PCSK6: variants seen among roughly 807,000 people sequenced by gnomAD.
PCSK6 encodes the protein proprotein convertase subtilisin/kexin type 6, also known as paired basic amino acid cleaving enzyme 4.
A neutral mutation model predicts 123.3 loss-of-function variants in PCSK6; 85 were observed. The ratio of observed to expected loss-of-function variants is 0.69; its 90% confidence interval spans 0.58 to 0.83. The LOEUF (loss-of-function observed/expected upper bound fraction) is 0.83. PCSK6 is among the 40% of genes least tolerant of loss of function. The probability of loss-of-function intolerance (pLI) is 0.00; values close to 1 mark genes in which losing one functional copy is unlikely to be tolerated. For synonymous variants in PCSK6, 508 were observed against 516.0 expected, an observed-to-expected ratio of 0.98 and a Z score of 0.21; for missense variants, 1,191 against 1,282.3, an observed-to-expected ratio of 0.93 and a Z score of 1.09.
chr15:101,431,216 T>C (rs897475029), intron 4 of PCSK6, 104 bp downstream of exon 4: 3 of 1,184,292 alleles, frequency 2.5e-6, no homozygotes, highest in Admixed American at 2.1e-5. Context: ...CCTAACTTAA[T>C]GGGGGCTGGG....
intron 1 of PCSK6, among the ~76,000 whole-genome samples, chr15:101,454,645 G>C (rs1293101240): frequency 1.3e-5 from 2 of 152,094 alleles, no homozygotes; most frequent in Non-Finnish European, 2.9e-5. Flanking sequence ...GTGTGTAAAG[G>C]GTACAGAGTT....
chr15:101,361,570 C>A (rs995565959), intron 13 of PCSK6, among the ~76,000 whole-genome samples: 1 of 152,066 alleles, frequency 6.6e-6, no homozygotes, highest in Non-Finnish European at 1.5e-5. Flanking sequence ...GAGGTAAGAC[C>A]AGGCATGTTA....
chr15:101,366,201 T>C lies in PCSK6; in HGVS notation c.1853A>G (p.Lys618Arg). 1 of 1,611,938 alleles carries C rather than the reference T, an allele frequency of 6.2e-7. No homozygotes were observed. Among genetic ancestry groups the C allele is most frequent in the Non-Finnish European group, 8.5e-7 (1 of 1,178,894 alleles). ...GATTCCCAAGAGCCACTGACCTTGCTTCTCCGGGTTGCGGACCTGGGATGG... is the reference window on the plus strand; with the variant it reads ...GATTCCCAAGAGCCACTGACCTTGCCTCTCCGGGTTGCGGACCTGGGATGG... ...DLPSQVRNPEKQGKLKEWSLI... is the reference protein window; with the variant it reads ...DLPSQVRNPERQGKLKEWSLI... The change falls in exon 13 of 22, where the codon AAG becomes AGG. Residue 618 changes from lysine to arginine, a missense_variant. By Grantham distance (26) the Lys-to-Arg change is conservative. Transcript: ENST00000611716.
At chr15:101,340,835 C>T (rs556374363) in intron 13 of PCSK6, among the ~76,000 whole-genome samples, 23 of 152,192 alleles carry the variant, frequency 1.5e-4, no homozygotes, top group Non-Finnish European at 3.1e-4. Flanking sequence ...TCCCCCACCA[C>T]CCTTTCATTT....
chr15:101,329,647 GC>G (rs2040333089), intron 15 of PCSK6, among the ~76,000 whole-genome samples: 1 of 152,212 alleles, frequency 6.6e-6, no homozygotes, highest in African/African-American at 2.4e-5. Context: ...CGGTGGAGCT[GC>G]CCTGGAACTC....
At chr15:101,480,421 C>T (rs1182707604) in intron 1 of PCSK6, among the ~76,000 whole-genome samples, 3 of 152,240 alleles carry the variant, frequency 2.0e-5, no homozygotes, top group African/African-American at 7.2e-5. Flanking sequence ...AGACTTTCTT[C>T]CTTTCCACGG....
intron 15 of PCSK6, 121 bp downstream of exon 15, chr15:101,331,530 G>T (rs1188395883): frequency 1.2e-6 from 1 of 832,354 alleles, no homozygotes; most frequent in Non-Finnish European, 2.0e-6. Context: ...CTTTGGAAAG[G>T]GGGTGCTCCT....
chr15:101,322,719 C>A, intron 17 of PCSK6, 112 bp from the exon 18 acceptor site: 3 of 687,524 alleles, frequency 4.4e-6, no homozygotes, highest in Non-Finnish European at 7.8e-6. Flanking sequence ...GGCTGTTCCC[C>A]GAGTCCACCT....
intron 1 of PCSK6, among the ~76,000 whole-genome samples, chr15:101,470,859 T>C (rs532921453): frequency 6.6e-6 from 1 of 152,340 alleles, no homozygotes; most frequent in African/African-American, 2.4e-5. Flanking sequence ...GCTGTGGTGC[T>C]GCCCTTCAAT....
chr15:101,434,894 C>T (rs1596329918), intron 2 of PCSK6, among the ~76,000 whole-genome samples: 2 of 152,168 alleles, frequency 1.3e-5, no homozygotes, highest in South Asian at 4.1e-4. Context: ...CCACCTCCTA[C>T]CCACCACAAA....
rs1178936194 is a variant in PCSK6 at position 101,398,772 on chromosome 15, A to G, written c.824-196T>C. On this transcript the variant is annotated intron_variant, in intron 6 of 21. Coordinates refer to ENST00000611716, the MANE Select transcript of PCSK6 (RefSeq NM_002570.5). This position sits in a 1 kb window ranked among gnomAD's most constrained non-coding sequence, Gnocchi z 4.6. ...GTGAAAGAACTCAGGCCAGGGCAAC[A>G]AAAGAAAGCAAGCTACGTCCCAAAG... 6.6e-6 allele frequency among the ~76,000 whole-genome samples: 1 copy of G among 152,214 alleles called. No homozygotes were observed. The highest frequency in any genetic ancestry group is 1.5e-5 in the Non-Finnish European group (1 of 68,040).
chr15:101,325,505 C>T lies in PCSK6; in HGVS notation c.2181-459G>A, dbSNP rs566223904. ...CATGGGCACCCGGCTTGACCTTGCA[C>T]GGCCGCACCCGTGCCTGAGCCCTCA... On this transcript the variant is annotated intron_variant, in intron 16 of 21. Coordinates refer to ENST00000611716, the MANE Select transcript of PCSK6 (RefSeq NM_002570.5). 1.1e-3 allele frequency among the ~76,000 whole-genome samples: 167 copies of T among 152,310 alleles called. 2 individuals are homozygous for T. Among genetic ancestry groups the T allele is most frequent in the African/African-American group, 4.0e-3 (165 of 41,572 alleles).
At chr15:101,446,343 GCTGA>G (rs1181371509) in intron 1 of PCSK6, among the ~76,000 whole-genome samples, 2 of 152,206 alleles carry the variant, frequency 1.3e-5, no homozygotes, top group East Asian at 1.9e-4. Flanking sequence ...CCTTTTTAAG[GCTGA>G]CTAATCTTCC....
chr15:101,489,273 G>GCGGGGC lies in PCSK6; in HGVS notation c.297+95_297+100dup, dbSNP rs1219891166. ...GGTCCCGGAGCCTTCCCACGCGCGC[G>GCGGGGC]CGGGGCCGGGGCCGGGCGGACAGGA... On this transcript the variant is annotated intron_variant, in intron 1 of 21. Transcript: ENST00000611716. 1.9e-5 allele frequency: 15 copies of GCGGGGC among 782,598 alleles called. No individual in the cohort carries two copies. The East Asian group carries it at 3.0e-4, about 16-fold the overall frequency. 48.5% of individuals were successfully genotyped at this position (782,598 alleles called of 1,614,324 possible). A position where few individuals can be genotyped will look rare whatever the true frequency, so the allele number is the denominator to read the frequency against.
chr15:101,433,976 A>G (rs1401931837), intron 2 of PCSK6, among the ~76,000 whole-genome samples: 6 of 152,044 alleles, frequency 3.9e-5, no homozygotes, highest in Non-Finnish European at 8.8e-5. Flanking sequence ...GCTCAAAACC[A>G]GTTTCACGTC....
At chr15:101,344,261 T>C (rs2040683350) in intron 13 of PCSK6, among the ~76,000 whole-genome samples, 1 of 152,230 alleles carries the variant, frequency 6.6e-6, no homozygotes, top group African/African-American at 2.4e-5. Context: ...TGTGTGAGTT[T>C]GTCATTTTCT....
At chr15:101,331,766 C>T in intron 14 of PCSK6, 77 bp from the exon 15 acceptor site, 25 of 1,600,434 alleles carry the variant, frequency 1.6e-5, no homozygotes, top group Non-Finnish European at 2.1e-5. Flanking sequence ...CCACCTTTGC[C>T]AGGAGCAGCC....
intron 1 of PCSK6, among the ~76,000 whole-genome samples, chr15:101,460,561 G>A (rs2057318255): frequency 6.6e-6 from 1 of 152,196 alleles, no homozygotes; most frequent in African/African-American, 2.4e-5. Flanking sequence ...TAATCCAGCA[G>A]ACTTAGAACT....
chr15:101,430,020 G>A lies in PCSK6; in HGVS notation c.701C>T (p.Pro234Leu). Residue 234 changes from proline to leucine, a missense_variant, in exon 5 of 22, where the codon CCA becomes CTA. Pro to Leu is a moderately conservative substitution (Grantham distance 98). Coordinates refer to ENST00000611716, the MANE Select transcript of PCSK6 (RefSeq NM_002570.5). ...SYDVNGNDYDPSPRYDASNEN... is the reference protein window; with the variant it reads ...SYDVNGNDYDLSPRYDASNEN... Reference sequence around the variant, plus strand: ...ATTGCTGGCATCATATCGTGGAGATGGGTCATAATCATTGCCGTTCACGTC... The same window carrying A: ...ATTGCTGGCATCATATCGTGGAGATAGGTCATAATCATTGCCGTTCACGTC... 6.2e-7 allele frequency: 1 copy of A among 1,613,840 alleles called. No homozygotes were observed. Among genetic ancestry groups the A allele is most frequent in the Non-Finnish European group, 8.5e-7 (1 of 1,179,772 alleles).
Sources: gnomAD v4.1 joint callset for allele counts (sites outside exome capture counted in the v4.1 genomes callset) on GRCh38, gnomAD v4.1.1 for gene constraint, Gnocchi (gnomAD v3.1) non-coding constraint, MANE v1.5 for transcripts, NCBI Gene and HGNC (gene_info 2026-07-23, HGNC 2026-07-21) for gene names.